The following TMEM178B variants were observed in gnomAD, a reference collection of about 807,000 sequenced individuals.
TMEM178B encodes transmembrane protein 178B.
A neutral mutation model predicts 31.0 loss-of-function variants in TMEM178B; 5 were observed. The ratio of observed to expected loss-of-function variants is 0.16; its 90% CI spans 0.08 to 0.34. The LOEUF is 0.34. Among genes scored for constraint, TMEM178B ranks in the 10% least tolerant of loss-of-function variants. The pLI, the probability that TMEM178B is intolerant of heterozygous loss-of-function variation, is 1.00. For missense variants in TMEM178B, 275 were observed against 400.3 expected (o/e 0.69, Z 2.67); for synonymous variants, 164 against 164.0 (o/e 1.00, Z 0.00).
chr7:141,345,929 G>A (rs1052224914), intron 2 of TMEM178B, among the ~76,000 whole-genome samples: 26 of 152,158 alleles, frequency 1.7e-4, no homozygotes, highest in African/African-American at 6.3e-4. Context: ...TAAAACTTTT[G>A]TTTTGTGGCA....
chr7:141,453,754 G>C (rs1801909389), intron 3 of TMEM178B, among the ~76,000 whole-genome samples: 1 of 152,188 alleles, frequency 6.6e-6, no homozygotes, highest in East Asian at 1.9e-4. Context: ...TCTATCAAAG[G>C]AAACTGCTCC....
chr7:141,356,392 G>A lies in TMEM178B; in HGVS notation c.497-81216G>A, dbSNP rs556750962. Among the ~76,000 whole-genome samples, 6 of 150,162 alleles carry A rather than the reference G, an allele frequency of 4.0e-5. No individual in the cohort carries two copies. The East Asian group carries it at 1.2e-3, about 29-fold the overall frequency. On this transcript the variant is annotated intron_variant, in intron 2 of 3. Coordinates refer to ENST00000565468, the MANE Select transcript of TMEM178B (RefSeq NM_001195278.2). Reference sequence around the variant, plus strand: ...CTCACTGACATCTGTTTTTTTTTTGGTCTTTTTAATAGTAGCCATTCTGGT... The same window carrying A: ...CTCACTGACATCTGTTTTTTTTTTGATCTTTTTAATAGTAGCCATTCTGGT...
At chr7:141,387,716 C>T (rs983075597) in intron 2 of TMEM178B, among the ~76,000 whole-genome samples, 1 of 152,170 alleles carries the variant, frequency 6.6e-6, no homozygotes, top group African/African-American at 2.4e-5. Flanking sequence ...CTCCCTCTGC[C>T]CACCTGCCCA....
intron 1 of TMEM178B, among the ~76,000 whole-genome samples, chr7:141,137,114 G>T (rs538226566): frequency 3.6e-4 from 55 of 152,256 alleles, no homozygotes; most frequent in Middle Eastern, 6.8e-3. Context: ...CTGTTGGTGA[G>T]AATGTAAATT....
intron 1 of TMEM178B, among the ~76,000 whole-genome samples, chr7:141,147,054 A>G (rs1021835784): frequency 2.0e-5 from 3 of 152,230 alleles, no homozygotes; most frequent in African/African-American, 7.2e-5. Flanking sequence ...ATGAGAATGT[A>G]TAAGAGTGGA....
At chr7:141,415,113 A>C (rs536909256) in intron 2 of TMEM178B, 1 of 152,434 alleles carries the variant, frequency 6.6e-6, no homozygotes, top group African/African-American at 2.4e-5. Context: ...GAAGAGAGAA[A>C]GGAGATTGTG....
At chr7:141,258,606 AG>A (rs1797967064) in intron 2 of TMEM178B, among the ~76,000 whole-genome samples, 1 of 152,186 alleles carries the variant, frequency 6.6e-6, no homozygotes, top group South Asian at 2.1e-4. Context: ...TTTCAGCCCG[AG>A]GGCTTCCTTT....
At chr7:141,509,024 T>A in the TMEM178B span, among the ~76,000 whole-genome samples, 1 of 152,228 alleles carries the variant, frequency 6.6e-6, no homozygotes, top group African/African-American at 2.4e-5. Context: ...ATGCGGGACA[T>A]GACATCTATT....
chr7:141,408,977 G>A (rs1181107260), intron 2 of TMEM178B, among the ~76,000 whole-genome samples: 1 of 152,186 alleles, frequency 6.6e-6, no homozygotes, highest in Non-Finnish European at 1.5e-5. Flanking sequence ...AAGAGACAGG[G>A]AGGCAGGAAA....
Position 141,460,330 on chromosome 7 carries a change from G to A in TMEM178B, c.635-10206G>A, listed in dbSNP as rs193250986. Among the ~76,000 whole-genome samples the A allele has an allele frequency of 4.6e-4, 70 of 152,296 alleles. 1 individual carries two copies. Among genetic ancestry groups the A allele is most frequent in the African/African-American group, 1.6e-3 (66 of 41,566 alleles). ...GTCCCTCTGCGTGTGCACGCACCTGGTGTCTCTTTGTATGTCCCAAGCTCC... is the reference window on the plus strand; with the variant it reads ...GTCCCTCTGCGTGTGCACGCACCTGATGTCTCTTTGTATGTCCCAAGCTCC... On this transcript the variant is annotated intron_variant, in intron 3 of 3. Transcript: ENST00000565468.
chr7:141,245,245 G>GAAACATCAT (rs1797709878), intron 2 of TMEM178B, among the ~76,000 whole-genome samples: 1 of 108,760 alleles, frequency 9.2e-6, no homozygotes, highest in Admixed American at 1.1e-4. Flanking sequence ...GGAGAGCCAA[G>GAAACATCAT]AAACATCATG....
chr7:141,109,844 G>A (rs1384860595), intron 1 of TMEM178B, among the ~76,000 whole-genome samples: 1 of 152,168 alleles, frequency 6.6e-6, no homozygotes, highest in Non-Finnish European at 1.5e-5. Flanking sequence ...GGGAGGCATA[G>A]GCAGGAGGAT....
At chr7:141,144,683 C>T (rs566726720) in intron 1 of TMEM178B, among the ~76,000 whole-genome samples, 3 of 152,140 alleles carry the variant, frequency 2.0e-5, no homozygotes, top group African/African-American at 7.2e-5. Flanking sequence ...AGGAATAGTC[C>T]TTTATTTAAG....
intron 1 of TMEM178B, among the ~76,000 whole-genome samples, chr7:141,199,097 G>A (rs1796833446): frequency 2.0e-5 from 3 of 152,190 alleles, no homozygotes; most frequent in Admixed American, 2.0e-4. Flanking sequence ...CACAGACGGA[G>A]ACAGCTCATT....
intron 1 of TMEM178B, among the ~76,000 whole-genome samples, chr7:141,134,903 T>C (rs1487588048): frequency 1.3e-5 from 2 of 152,182 alleles, no homozygotes; most frequent in African/African-American, 4.8e-5. Context: ...AAGTACCACA[T>C]GTTTTGGGAG....
chr7:141,296,418 G>C (rs1798635503), intron 2 of TMEM178B, among the ~76,000 whole-genome samples: 1 of 152,066 alleles, frequency 6.6e-6, no homozygotes, highest in Non-Finnish European at 1.5e-5. Context: ...TGGGAAAGAG[G>C]GTTTGTGTGG....
intron 2 of TMEM178B, among the ~76,000 whole-genome samples, chr7:141,221,018 C>T (rs1008507322): frequency 2.0e-5 from 3 of 152,172 alleles, no homozygotes; most frequent in South Asian, 2.1e-4. Flanking sequence ...CTAGAGAGTG[C>T]AGGCTAATGC....
intron 1 of TMEM178B, among the ~76,000 whole-genome samples, chr7:141,161,445 C>T (rs1032149799): frequency 9.2e-5 from 14 of 152,122 alleles, no homozygotes; most frequent in Non-Finnish European, 5.9e-5. Flanking sequence ...GACCCAGGAG[C>T]GAAGCCAGAG....
chr7:141,483,257 T>A (rs1428982351), downstream of TMEM178B, among the ~76,000 whole-genome samples: 1 of 152,200 alleles, frequency 6.6e-6, no homozygotes, highest in Non-Finnish European at 1.5e-5. Flanking sequence ...CTGAGCTATG[T>A]GCTGAGTCAG....
Sources: gnomAD v4.1 joint callset for allele counts (sites outside exome capture counted in the v4.1 genomes callset) on GRCh38, gnomAD v4.1.1 for gene constraint, MANE v1.5 for transcripts, NCBI Gene and HGNC (gene_info 2026-07-23, HGNC 2026-07-21) for gene names.